COPZ2: variants seen among roughly 807,000 people sequenced by gnomAD.
The protein encoded by COPZ2 is coatomer subunit zeta-2.
COPZ2 carries 30 observed loss-of-function variants against 33.2 expected under a neutral mutation model. That is an observed-to-expected ratio of 0.90 (90% confidence interval 0.68 to 1.23). COPZ2 has a LOEUF of 1.23. Among genes scored for constraint, COPZ2 ranks in the 50% most tolerant of loss-of-function variants. COPZ2 has a pLI of 0.00. For missense variants in COPZ2, 263 were observed against 262.4 expected (o/e 1.00, Z -0.02); for synonymous variants, 89 against 102.6 (o/e 0.87, Z 0.80).
intron 8 of COPZ2, among the ~76,000 whole-genome samples, chr17:48,026,678 C>T (rs2036822162): frequency 6.6e-6 from 1 of 152,214 alleles, no homozygotes; most frequent in African/African-American, 2.4e-5. Context: ...GCAGCCAGCT[C>T]CCACCTCAGG....
chr17:48,031,910 C>T, intron 6 of COPZ2: 1 of 559,620 alleles, frequency 1.8e-6, no homozygotes, highest in Non-Finnish European at 3.2e-6. Context: ...ATTCAACAGT[C>T]TCCCATAGTT....
upstream of COPZ2, among the ~76,000 whole-genome samples, chr17:48,042,617 A>G (rs1390244821): frequency 6.6e-6 from 1 of 152,046 alleles, no homozygotes; most frequent in African/African-American, 2.4e-5. Context: ...GCGTGCCACC[A>G]TGCCCGGCTA....
Position 48,032,670 on chromosome 17 carries a change from A to G in COPZ2, c.416+16T>C. 1 of 1,578,600 alleles carries G rather than the reference A, an allele frequency of 6.3e-7. No individual in the cohort carries two copies. The highest frequency in any genetic ancestry group is 8.6e-7 in the Non-Finnish European group (1 of 1,161,080). ...CCAGGGGGATGGGGCCTCGGAGGGC[A>G]GAGAACCTCACTCACCTTAACATGT... On this transcript the variant is annotated intron_variant, in intron 5 of 8. Coordinates refer to ENST00000621465, the MANE Select transcript of COPZ2 (RefSeq NM_016429.4).
rs777683799 is a variant in COPZ2, at chr17:48,037,111, G to T, written c.112-186C>A. On this transcript the variant is annotated intron_variant, in intron 1 of 8. Transcript: ENST00000621465. This position sits in a 1 kb window ranked among gnomAD's most constrained non-coding sequence, Gnocchi z 5.6. Reference sequence around the variant, plus strand: ...CAGGTGCCCACTCCACTCCCAGGCAGATGTTCCACTGCAGGCCCCGAGTGG... The same window carrying T: ...CAGGTGCCCACTCCACTCCCAGGCATATGTTCCACTGCAGGCCCCGAGTGG... 2 of 772,192 alleles carry T rather than the reference G, an allele frequency of 2.6e-6. No individual in the cohort carries two copies. The highest frequency in any genetic ancestry group is 4.8e-6 in the Non-Finnish European group (2 of 415,714). The allele number at this position is 772,192 out of a possible 1,614,324, so 47.8% of individuals were successfully genotyped here. A position where few individuals can be genotyped will look rare whatever the true frequency, so the allele number is the denominator to read the frequency against.
chr17:48,044,262 G>A, the COPZ2 span, among the ~76,000 whole-genome samples: 2 of 152,030 alleles, frequency 1.3e-5, no homozygotes, highest in African/African-American at 2.4e-5. Context: ...CAGGAGAATC[G>A]CTTGAACTGG....
intron 3 of COPZ2, 63 bp from the exon 4 acceptor site, chr17:48,033,365 C>A: frequency 1.1e-6 from 1 of 901,204 alleles, no homozygotes; most frequent in African/African-American, 1.6e-5. Context: ...GCCCCTCCTC[C>A]TCATGTATGA....
At position 48,037,769 on chromosome 17, in the gene COPZ2, C is replaced by A. The variant is rs1243242260; in HGVS notation, c.9G>T (p.Arg3=). MQ[R]PEAWPRPHPG... is the part of the protein sequence containing the mutation. ...GGTGCGGACGTGGCCAGGCCTCGGG[C>A]CGCTGCATTCCGCTCGCCGCCTCGC... Residue 3 remains arginine (R), a synonymous_variant, in exon 1 of 9, where the codon CGG becomes CGT. Transcript: ENST00000621465. The surrounding 1 kb of genome is among the most constrained non-coding windows in gnomAD (Gnocchi z 5.6). 1.1e-4 allele frequency: 115 copies of A among 1,017,878 alleles called. No homozygotes were observed. The East Asian group carries it at 4.5e-3, about 40-fold the overall frequency. The allele number at this position is 1,017,878 out of a possible 1,614,324, so 63.1% of individuals were successfully genotyped here.
chr17:48,026,915 G>A (rs1567738697), intron 8 of COPZ2, among the ~76,000 whole-genome samples: 1 of 152,268 alleles, frequency 6.6e-6, no homozygotes, highest in Non-Finnish European at 1.5e-5. Flanking sequence ...TGCTGATGTG[G>A]CATAGCTGGC....
At chr17:48,030,157 C>G (rs1278185885) in intron 6 of COPZ2, among the ~76,000 whole-genome samples, 1 of 148,822 alleles carries the variant, frequency 6.7e-6, no homozygotes, top group Non-Finnish European at 1.5e-5. Flanking sequence ...AATGGTGGCG[C>G]ACGCCTATAA....
chr17:48,035,045 G>A (rs139780189), intron 2 of COPZ2, among the ~76,000 whole-genome samples: 1 of 152,310 alleles, frequency 6.6e-6, no homozygotes, highest in African/African-American at 2.4e-5. Flanking sequence ...CCAAAGCTGG[G>A]TTTGACCACT....
rs2144317265 is a variant in COPZ2, at chr17:48,037,677, G to C, written c.101C>G (p.Ser34Trp). ...PAPPARAGEP[S>W]GLRLQEPSLY... ...CCGCCCGCTCCGTACCCGCAGCCCC[G>C]AGGGCTCCCCGGCTCGAGCAGGCGG... The change falls in exon 1 of 9, where the codon TCG (serine) becomes TGG (tryptophan). Residue 34 changes from serine to tryptophan, a missense_variant. By Grantham distance (177) the Ser-to-Trp change is radical. Coordinates refer to ENST00000621465, the MANE Select transcript of COPZ2 (RefSeq NM_016429.4). This position sits in a 1 kb window ranked among gnomAD's most constrained non-coding sequence, Gnocchi z 5.6. 4.5e-6 allele frequency: 5 copies of C among 1,102,692 alleles called. No homozygotes were observed. In the South Asian group the frequency reaches 1.7e-4, roughly 37 times the overall value. The allele number at this position is 1,102,692 out of a possible 1,614,324, so 68.3% of individuals were successfully genotyped here.
rs917447890 is a variant in COPZ2 at position 48,033,888 on chromosome 17, G to A, written c.243C>T (p.Val81=). The A allele has an allele frequency of 6.2e-7, 1 of 1,611,590 alleles. No homozygotes were observed. The highest frequency in any genetic ancestry group is 1.7e-5 in the Admixed American group (1 of 59,768). The part of the protein sequence containing the change: ...MKEQMVFEKN[V]FNKTSRTESE... ...TCTCAGTCCGGCTGGTCTTGTTGAA[G>A]ACATTTTTCTCGAAAACCATCTGCT... The change falls in exon 3 of 9, where the codon GTC becomes GTT. Residue 81 remains valine, a synonymous_variant. Transcript: ENST00000621465.
At chr17:48,029,534 T>G in intron 6 of COPZ2, 1 of 340,970 alleles carries the variant, frequency 2.9e-6, no homozygotes. Flanking sequence ...TTGGATTCCC[T>G]GTGAAAAGAG....
chr17:48,026,650 G>A (rs1218538293), intron 8 of COPZ2, among the ~76,000 whole-genome samples, 175 bp from the exon 9 acceptor site: 1 of 152,216 alleles, frequency 6.6e-6, no homozygotes, highest in Admixed American at 6.5e-5. Flanking sequence ...AAGTCAGAAA[G>A]CGCAGACCAA....
chr17:48,027,426 C>T (rs1250260251), intron 8 of COPZ2, among the ~76,000 whole-genome samples: 3 of 152,130 alleles, frequency 2.0e-5, no homozygotes, highest in Non-Finnish European at 4.4e-5. Flanking sequence ...ATGTGAGGCC[C>T]AGAGAGGTTG....
chr17:48,030,501 C>T (rs947000989), intron 6 of COPZ2, among the ~76,000 whole-genome samples: 1 of 152,198 alleles, frequency 6.6e-6, no homozygotes, highest in African/African-American at 2.4e-5. Context: ...TCCTTACCCA[C>T]TGAGACTCCT....
At chr17:48,047,395 C>G in the COPZ2 span, 6 of 152,200 alleles carry the variant, frequency 3.9e-5, no homozygotes, top group Non-Finnish European at 8.8e-5. Context: ...AAATCAGACT[C>G]TCCAGTGGGA....
chr17:48,037,539 C>T lies in COPZ2; in HGVS notation c.111+128G>A. 1.2e-6 allele frequency: 1 copy of T among 866,256 alleles called. No homozygotes were observed. The highest frequency in any genetic ancestry group is 1.4e-6 in the Non-Finnish European group (1 of 701,064). 53.7% of individuals were successfully genotyped at this position (866,256 alleles called of 1,614,324 possible). On this transcript the variant is annotated intron_variant, in intron 1 of 8. Coordinates refer to ENST00000621465, the MANE Select transcript of COPZ2 (RefSeq NM_016429.4). This position sits in a 1 kb window ranked among gnomAD's most constrained non-coding sequence, Gnocchi z 5.6. ...AACTTTTCCTCCCGGGTCCTGGGGC[C>T]AGTCAGGGGTGACACAAAGTTCCCA... is the stretch of plus-strand genomic sequence containing the variant.
At position 48,029,669 on chromosome 17, in the gene COPZ2, C is replaced by CT. The variant is rs56033361; in HGVS notation, c.495-494dup. ...ATCTACCTTCTCCCCTACTTCCTCCCTTTTTTTTTTTTTTTAAGGCTGGGC... is the reference window on the plus strand; with the variant it reads ...ATCTACCTTCTCCCCTACTTCCTCCCTTTTTTTTTTTTTTTTAAGGCTGGGC... On this transcript the variant is annotated intron_variant, in intron 6 of 8. Coordinates refer to ENST00000621465, the MANE Select transcript of COPZ2 (RefSeq NM_016429.4). Among the ~76,000 whole-genome samples, 303 of 147,414 alleles carry CT rather than the reference C, an allele frequency of 2.1e-3. 2 individuals carry two copies. Among genetic ancestry groups the CT allele is most frequent in the African/African-American group, 6.9e-3 (276 of 40,246 alleles).
Sources: allele counts gnomAD v4.1 joint callset (sites outside exome capture counted in the v4.1 genomes callset), GRCh38; gene constraint gnomAD v4.1.1; non-coding constraint Gnocchi (gnomAD v3.1); transcripts MANE v1.5; gene names NCBI Gene and HGNC (gene_info 2026-07-23, HGNC 2026-07-21).